The following MOB3B variants were observed in gnomAD, a reference collection of about 807,000 sequenced individuals.
The protein encoded by MOB3B is MOB kinase activator-like 2B.
MOB3B carries 7 observed loss-of-function variants against 18.7 expected under a neutral mutation model. The ratio of observed to expected loss-of-function variants is 0.37; its 90% CI spans 0.21 to 0.70. The LOEUF is 0.70. Among genes scored for constraint, MOB3B ranks in the 30% least tolerant of loss-of-function variants. The pLI is 0.52. For synonymous variants in MOB3B, 111 were observed against 99.9 expected, an observed-to-expected ratio of 1.11 and a Z score of -0.66; for missense variants, 253 against 281.3, an observed-to-expected ratio of 0.90 and a Z score of 0.72.
chr9:27,446,937 A>T (rs918516278), intron 2 of MOB3B, among the ~76,000 whole-genome samples: 5 of 152,170 alleles, frequency 3.3e-5, no homozygotes, highest in Admixed American at 3.3e-4. Flanking sequence ...CCATTTATTA[A>T]GGGGAAAATA....
chr9:27,521,742 C>A (rs1347232220), intron 1 of MOB3B, among the ~76,000 whole-genome samples: 1 of 151,988 alleles, frequency 6.6e-6, no homozygotes, highest in Non-Finnish European at 1.5e-5. Context: ...ATAAACATGG[C>A]TGCAAGAATA....
intron 2 of MOB3B, among the ~76,000 whole-genome samples, chr9:27,392,561 G>GA (rs200723089): frequency 0.011 from 1,699 of 151,090 alleles, 12 homozygotes; most frequent in African/African-American, 0.018. Context: ...CACCACAAAA[G>GA]AAAAAAAACA....
intron 1 of MOB3B, among the ~76,000 whole-genome samples, chr9:27,465,509 G>C (rs925560536): frequency 1.5e-4 from 23 of 152,130 alleles, no homozygotes; most frequent in African/African-American, 5.6e-4. Context: ...CTACCATTCT[G>C]GGGTCTGGAA....
At chr9:27,370,471 G>A (rs1821400224) in intron 2 of MOB3B, among the ~76,000 whole-genome samples, 1 of 145,298 alleles carries the variant, frequency 6.9e-6, no homozygotes, top group Admixed American at 7.1e-5. Flanking sequence ...TTGTACCATT[G>A]CACTCCAGAC....
At chr9:27,410,415 G>C (rs930441133) in intron 2 of MOB3B, among the ~76,000 whole-genome samples, 1 of 152,124 alleles carries the variant, frequency 6.6e-6, no homozygotes, top group African/African-American at 2.4e-5. Flanking sequence ...TGAGTCACCC[G>C]GTTCAAAAGT....
In MOB3B at chr9:27,463,671, A is replaced by G. The variant is rs376864877; in HGVS notation, c.-198-7923T>C. On this transcript the variant is annotated intron_variant, in intron 1 of 3. Coordinates refer to ENST00000262244, the MANE Select transcript of MOB3B (RefSeq NM_024761.5). ...AATCTCAGTTTTGTCTTCTTTAAAG[A>G]TGATGGTGGCTGGGCACAGTGACTC... is the stretch of plus-strand genomic sequence containing the variant. 1.5e-4 allele frequency among the ~76,000 whole-genome samples: 23 copies of G among 151,994 alleles called. No individual in the cohort carries two copies. The East Asian group carries it at 1.9e-3, about 13-fold the overall frequency.
chr9:27,374,384 AT>A (rs907183404), intron 2 of MOB3B, among the ~76,000 whole-genome samples: 22 of 152,292 alleles, frequency 1.4e-4, no homozygotes, highest in Admixed American at 1.3e-3. Flanking sequence ...TTCCTTTAAA[AT>A]TATTAACTTA....
At chr9:27,389,146 C>T (rs1563856614) in intron 2 of MOB3B, among the ~76,000 whole-genome samples, 1 of 152,188 alleles carries the variant, frequency 6.6e-6, no homozygotes, top group Non-Finnish European at 1.5e-5. Flanking sequence ...CAGGAGTACT[C>T]ATAGAGTGGT....
intron 1 of MOB3B, among the ~76,000 whole-genome samples, chr9:27,484,017 G>T (rs993635531): frequency 1.3e-5 from 2 of 152,180 alleles, no homozygotes; most frequent in Non-Finnish European, 2.9e-5. Flanking sequence ...GCAGGGTGAG[G>T]GCCCATAACG....
chr9:27,383,559 C>G (rs1364484327), intron 2 of MOB3B, among the ~76,000 whole-genome samples: 2 of 152,128 alleles, frequency 1.3e-5, no homozygotes, highest in African/African-American at 2.4e-5. Flanking sequence ...CTTGGGGTGG[C>G]TCCTGGGTCA....
Position 27,326,350 on chromosome 9 carries a change from T to G in MOB3B, c.*4237A>C, listed in dbSNP as rs1042432730. ...GCTGAAGCACAACTGGTAATAGCCT[T>G]CAGATATTTAATGGATATGCAAATA... is the stretch of plus-strand genomic sequence containing the variant. On this transcript the variant is annotated 3_prime_UTR_variant, in exon 4 of 4. Transcript: ENST00000262244. 1.8e-5 allele frequency: 7 copies of G among 397,094 alleles called. No individual in the cohort carries two copies. The highest frequency in any genetic ancestry group is 4.4e-5 in the Admixed American group (1 of 22,694). 24.6% of individuals were successfully genotyped at this position (397,094 alleles called of 1,614,324 possible).
chr9:27,425,297 C>T (rs1034322674), intron 2 of MOB3B, among the ~76,000 whole-genome samples: 9 of 151,730 alleles, frequency 5.9e-5, no homozygotes, highest in Non-Finnish European at 1.2e-4. Flanking sequence ...ATCGCTTGAA[C>T]CCAGGAGGCG....
At chr9:27,401,674 C>T (rs1374845367) in intron 2 of MOB3B, among the ~76,000 whole-genome samples, 1 of 152,168 alleles carries the variant, frequency 6.6e-6, no homozygotes, top group East Asian at 1.9e-4. Context: ...TAATGGAGCA[C>T]ATCTAGAAAT....
At chr9:27,376,002 C>A (rs569863591) in intron 2 of MOB3B, among the ~76,000 whole-genome samples, 42 of 152,180 alleles carry the variant, frequency 2.8e-4, no homozygotes, top group Non-Finnish European at 4.6e-4. Flanking sequence ...CACCCATAAT[C>A]CCATCAAGAA....
intron 1 of MOB3B, among the ~76,000 whole-genome samples, chr9:27,479,146 T>C (rs915682143): frequency 6.6e-6 from 1 of 152,176 alleles, no homozygotes; most frequent in East Asian, 1.9e-4. Flanking sequence ...ATTTATTTCC[T>C]CACAGGTCTG....
At chr9:27,355,745 G>C (rs1315798125) in intron 3 of MOB3B, among the ~76,000 whole-genome samples, 1 of 151,590 alleles carries the variant, frequency 6.6e-6, no homozygotes, top group African/African-American at 2.4e-5. Context: ...TGTATTTTTC[G>C]TAGAGACGGG....
At chr9:27,485,495 C>G (rs1222773333) in intron 1 of MOB3B, among the ~76,000 whole-genome samples, 1 of 152,186 alleles carries the variant, frequency 6.6e-6, no homozygotes, top group Non-Finnish European at 1.5e-5. Flanking sequence ...GTCAGCATTG[C>G]CTTGGGCAAA....
At chr9:27,382,633 G>T (rs772737909) in intron 2 of MOB3B, among the ~76,000 whole-genome samples, 2 of 152,016 alleles carry the variant, frequency 1.3e-5, no homozygotes, top group Non-Finnish European at 2.9e-5. Context: ...AGTGGACCTT[G>T]CCCTCCCAAG....
chr9:27,473,576 T>C (rs543123911), intron 1 of MOB3B, among the ~76,000 whole-genome samples: 3 of 151,866 alleles, frequency 2.0e-5, no homozygotes, highest in African/African-American at 2.4e-5. Context: ...GACCTGACAA[T>C]AGAAAGCAAG....
Sources: gnomAD v4.1 joint callset for allele counts (sites outside exome capture counted in the v4.1 genomes callset) on GRCh38, gnomAD v4.1.1 for gene constraint, MANE v1.5 for transcripts, NCBI Gene and HGNC (gene_info 2026-07-23, HGNC 2026-07-21) for gene names.